TRAPPC9: variants seen among roughly 807,000 people sequenced by gnomAD.
The protein encoded by TRAPPC9 is trafficking protein particle complex subunit 9, also known as IKK2 binding protein.
TRAPPC9 carries 83 observed loss-of-function variants against 124.0 expected under a neutral mutation model. The ratio of observed to expected loss-of-function variants is 0.67; its 90% CI spans 0.56 to 0.80. The LOEUF (loss-of-function observed/expected upper bound fraction) is 0.80. Ranked by LOEUF, TRAPPC9 falls within the 30% of genes least tolerant of loss-of-function variation. The probability of loss-of-function intolerance (pLI) is 0.00; values close to 1 mark genes in which losing one functional copy is unlikely to be tolerated. For missense variants in TRAPPC9, 1,302 were observed against 1,508.3 expected, an observed-to-expected ratio of 0.86 and a Z score of 2.27; for synonymous variants, 638 against 617.5, an observed-to-expected ratio of 1.03 and a Z score of -0.49.
intron 21 of TRAPPC9, among the ~76,000 whole-genome samples, chr8:139,785,966 C>T (rs1315023136): frequency 2.6e-5 from 4 of 151,902 alleles, no homozygotes; most frequent in African/African-American, 9.7e-5. Flanking sequence ...CCAGCACTTT[C>T]GGAGGCTGAG....
intron 13 of TRAPPC9, among the ~76,000 whole-genome samples, chr8:140,285,466 C>A (rs924352629): frequency 1.3e-5 from 2 of 152,182 alleles, no homozygotes; most frequent in African/African-American, 4.8e-5. Flanking sequence ...GAACTGCCCA[C>A]CTGACCACAT....
chr8:139,925,518 C>T (rs537358769), intron 19 of TRAPPC9, among the ~76,000 whole-genome samples: 11 of 152,208 alleles, frequency 7.2e-5, no homozygotes, highest in African/African-American at 2.4e-4. Flanking sequence ...GAGGCCGAGG[C>T]GGGCAGATTG....
At chr8:140,113,694 A>C (rs2060824852) in intron 17 of TRAPPC9, among the ~76,000 whole-genome samples, 1 of 152,164 alleles carries the variant, frequency 6.6e-6, no homozygotes, top group African/African-American at 2.4e-5. Context: ...CAAGTCACAA[A>C]GAGGCAGGTT....
intron 21 of TRAPPC9, among the ~76,000 whole-genome samples, chr8:139,738,306 A>G (rs1005784524): frequency 2.0e-5 from 3 of 152,214 alleles, no homozygotes; most frequent in Non-Finnish European, 2.9e-5. Context: ...TTCCTTCGCA[A>G]CAGAAGGGGT....
At chr8:140,016,950 A>G (rs1302070255) in intron 18 of TRAPPC9, among the ~76,000 whole-genome samples, 1 of 152,128 alleles carries the variant, frequency 6.6e-6, no homozygotes, top group Non-Finnish European at 1.5e-5. Context: ...TCTCCCTAAC[A>G]TTTGGTGTTC....
At chr8:140,372,824 T>C (rs895275506) in intron 7 of TRAPPC9, among the ~76,000 whole-genome samples, 27 of 152,216 alleles carry the variant, frequency 1.8e-4, no homozygotes, top group African/African-American at 6.5e-4. Flanking sequence ...TTCTAGCCTC[T>C]AGAACTGTGC....
In TRAPPC9 at chr8:140,221,492, C is replaced by T; in HGVS notation, c.2523G>A (p.Glu841=). ...RVEGKPVNPP[E]SNKAGDYSHV... is the part of the protein sequence containing the mutation. ...GGCTGTAGTCGCCTGCTTTGTTGCT[C>T]TCGGGTGGGTTCACAGGTTTGCCCT... Residue 841 remains glutamate, a synonymous_variant, in exon 17 of 23, where the codon GAG becomes GAA. Transcript: ENST00000438773. The T allele has an allele frequency of 1.2e-6, 2 of 1,614,188 alleles. No homozygotes were observed. Among genetic ancestry groups the T allele is most frequent in the Non-Finnish European group, 1.7e-6 (2 of 1,180,026 alleles).
In TRAPPC9 at chr8:140,371,281, A is replaced by G. The variant is rs2068274984; in HGVS notation, c.1135-101T>C. The G allele has an allele frequency of 3.3e-6, 4 of 1,194,078 alleles. No homozygotes were observed. The Admixed American group carries it at 8.0e-5, about 24-fold the overall frequency. 74.0% of individuals were successfully genotyped at this position (1,194,078 alleles called of 1,614,324 possible). ...CTCTTCATAAAACAAAGACCTGAGG[A>G]GAATCGAGGAGAATCAAGGAGAGGG... is the stretch of plus-strand genomic sequence containing the variant. On this transcript the variant is annotated intron_variant, in intron 7 of 22. Coordinates refer to ENST00000438773, the MANE Select transcript of TRAPPC9 (RefSeq NM_001160372.4).
chr8:140,330,035 C>T (rs1276753331), intron 9 of TRAPPC9, among the ~76,000 whole-genome samples: 2 of 152,012 alleles, frequency 1.3e-5, no homozygotes, highest in African/African-American at 2.4e-5. Flanking sequence ...GCCGAGATTG[C>T]GCCATTGCAC....
chr8:140,016,386 T>A (rs1839464954), intron 18 of TRAPPC9, among the ~76,000 whole-genome samples: 1 of 152,186 alleles, frequency 6.6e-6, no homozygotes, highest in South Asian at 2.1e-4. Context: ...AGAGCTAAAA[T>A]CTAGAAAATC....
In TRAPPC9 at chr8:139,888,161, G is replaced by A. The variant is rs565566062; in HGVS notation, c.2965-2192C>T. Among the ~76,000 whole-genome samples, 16 of 152,330 alleles carry A rather than the reference G, an allele frequency of 1.1e-4. No homozygotes were observed. In the South Asian group the frequency reaches 2.3e-3, roughly 22 times the overall value. ...CCCTCAGTAGAGAATCCGAGGGCTT[G>A]GGAGCTGTGGCTGAAGCTCTGAGGC... On this transcript the variant is annotated intron_variant, in intron 20 of 22. Coordinates refer to ENST00000438773, the MANE Select transcript of TRAPPC9 (RefSeq NM_001160372.4).
chr8:139,801,329 C>G (rs1823510706), intron 21 of TRAPPC9, among the ~76,000 whole-genome samples: 1 of 152,250 alleles, frequency 6.6e-6, no homozygotes, highest in Non-Finnish European at 1.5e-5. Flanking sequence ...CCACACACCC[C>G]AGCATCCCAG....
At chr8:140,432,696 T>C (rs1421658763) in intron 4 of TRAPPC9, among the ~76,000 whole-genome samples, 2 of 151,290 alleles carry the variant, frequency 1.3e-5, no homozygotes, top group African/African-American at 4.8e-5. Context: ...CACGGTGAAA[T>C]CCTGTCTCTA....
chr8:139,990,722 G>A (rs190470263), intron 18 of TRAPPC9, among the ~76,000 whole-genome samples: 3 of 152,226 alleles, frequency 2.0e-5, no homozygotes, highest in African/African-American at 7.2e-5. Context: ...GAGTAGCTGG[G>A]ATTACAGGTG....
rs186686274 is a variant in TRAPPC9 at position 140,257,548 on chromosome 8, G to C, written c.2279-4619C>G. ...AGCGCACAGGGGAGGGAGGAAAGAAGCACACGTCCTTTCAGAAGTTGACAT... is the reference window on the plus strand; with the variant it reads ...AGCGCACAGGGGAGGGAGGAAAGAACCACACGTCCTTTCAGAAGTTGACAT... On this transcript the variant is annotated intron_variant, in intron 15 of 22. Transcript: ENST00000438773. The surrounding 1 kb of genome is among the most constrained non-coding windows in gnomAD (Gnocchi z 4.6). 6.6e-6 allele frequency among the ~76,000 whole-genome samples: 1 copy of C among 152,320 alleles called. No individual in the cohort carries two copies. The highest frequency in any genetic ancestry group is 2.4e-5 in the African/African-American group (1 of 41,572).
chr8:139,918,363 G>A (rs3802216), intron 19 of TRAPPC9, among the ~76,000 whole-genome samples: 30,590 of 152,170 alleles, frequency 0.2, 3,240 homozygotes, highest in East Asian at 0.38. Context: ...GGGAACCTGC[G>A]AAGAGCCCCC....
intron 17 of TRAPPC9, among the ~76,000 whole-genome samples, chr8:140,127,853 CAA>C (rs1232374383): frequency 6.6e-6 from 1 of 152,126 alleles, no homozygotes; most frequent in African/African-American, 2.4e-5. Context: ...TCTTTCTTGC[CAA>C]AAATGAGTCC....
intron 19 of TRAPPC9, among the ~76,000 whole-genome samples, chr8:139,914,602 C>T (rs1222030897): frequency 6.6e-6 from 1 of 152,192 alleles, no homozygotes; most frequent in Non-Finnish European, 1.5e-5. Flanking sequence ...CAGTCAGTGC[C>T]ACCCGCACCT....
At chr8:139,844,332 G>C (rs572184894) in intron 21 of TRAPPC9, among the ~76,000 whole-genome samples, 1 of 152,234 alleles carries the variant, frequency 6.6e-6, no homozygotes, top group Non-Finnish European at 1.5e-5. Flanking sequence ...CCTGGCAGGA[G>C]AAGGGGGTCA....
Sources: gnomAD v4.1 joint callset for allele counts (sites outside exome capture counted in the v4.1 genomes callset) on GRCh38, gnomAD v4.1.1 for gene constraint, Gnocchi (gnomAD v3.1) non-coding constraint, MANE v1.5 for transcripts, NCBI Gene and HGNC (gene_info 2026-07-23, HGNC 2026-07-21) for gene names.